Variants in GMPS observed in about 807,000 individuals in gnomAD.
The protein encoded by GMPS is guanosine monophosphate synthase.
GMPS carries 15 observed loss-of-function variants against 77.9 expected under a neutral mutation model. That is an observed-to-expected ratio of 0.19 (90% confidence interval 0.13 to 0.30). The LOEUF (loss-of-function observed/expected upper bound fraction) is 0.30, where lower values mean the gene tolerates loss of function less well. Ranked by LOEUF, GMPS falls within the 10% of genes least tolerant of loss-of-function variation. The pLI is 1.00. For missense variants in GMPS, 590 were observed against 838.8 expected (o/e 0.70, Z 3.66); for synonymous variants, 224 against 275.9 (o/e 0.81, Z 1.86).
intron 7 of GMPS, among the ~76,000 whole-genome samples, chr3:155,913,234 A>G (rs957547326): frequency 5.3e-5 from 8 of 152,234 alleles, no homozygotes; most frequent in African/African-American, 1.7e-4. Flanking sequence ...CTTTTCCACA[A>G]TGAAATAGCC....
Position 155,923,147 on chromosome 3 carries a change from A to G in GMPS, c.1434+845A>G, listed in dbSNP as rs77408941. Among the ~76,000 whole-genome samples the G allele has an allele frequency of 9.2e-5, 14 of 152,306 alleles. No individual in the cohort carries two copies. The East Asian group carries it at 2.5e-3, about 27-fold the overall frequency. The stretch of plus-strand genomic sequence containing the variant: ...TAGAAATAAGCTATTCATAATAAGA[A>G]TAATGTATAAGAGACTACTAAAAAT... On this transcript the variant is annotated intron_variant, in intron 11 of 15. Coordinates refer to ENST00000496455, the MANE Select transcript of GMPS (RefSeq NM_003875.3).
intron 3 of GMPS, 98 bp downstream of exon 3, chr3:155,898,139 CTTAG>C (rs1419468602): frequency 2.4e-5 from 18 of 740,742 alleles, no homozygotes; most frequent in Middle Eastern, 4.9e-4. Context: ...ATTTAGGATA[CTTAG>C]TTGGATGAGA....
At chr3:155,899,902 C>G (rs2108084528) in intron 3 of GMPS, among the ~76,000 whole-genome samples, 1 of 152,230 alleles carries the variant, frequency 6.6e-6, no homozygotes, top group South Asian at 2.1e-4. Context: ...TAAAGTTCTT[C>G]CATGTCTTTT....
chr3:155,875,033 C>T lies in GMPS; in HGVS notation c.27+4136C>T, dbSNP rs140957909. 5.2e-3 allele frequency among the ~76,000 whole-genome samples: 785 copies of T among 150,334 alleles called. 4 individuals carry two copies. Among genetic ancestry groups the T allele is most frequent in the Non-Finnish European group, 7.9e-3 (536 of 67,706 alleles). ...AGTGATCCTTGTGTGATCCTTGTAC[C>T]TCAGCCACCCGAGTAGCTGGGATTA... is the stretch of plus-strand genomic sequence containing the variant. On this transcript the variant is annotated intron_variant, in intron 1 of 15. Coordinates refer to ENST00000496455, the MANE Select transcript of GMPS (RefSeq NM_003875.3).
intron 2 of GMPS, chr3:155,895,648 A>T (rs1560041011): frequency 6.6e-6 from 1 of 152,136 alleles, no homozygotes; most frequent in Non-Finnish European, 1.5e-5. Flanking sequence ...TGATACATAA[A>T]ATTGGTATTT....
chr3:155,880,036 C>T (rs1391851971), intron 1 of GMPS, among the ~76,000 whole-genome samples: 1 of 151,228 alleles, frequency 6.6e-6, no homozygotes, highest in Non-Finnish European at 1.5e-5. Context: ...TCTTTTTACA[C>T]TTTCTTAATG....
chr3:155,929,467 C>T (rs1381935828), intron 12 of GMPS, among the ~76,000 whole-genome samples: 1 of 150,036 alleles, frequency 6.7e-6, no homozygotes, highest in East Asian at 2.0e-4. Context: ...ACAGGGATGC[C>T]CTCTCTCACC....
intron 1 of GMPS, among the ~76,000 whole-genome samples, chr3:155,888,153 C>G (rs577870872): frequency 6.6e-6 from 1 of 151,294 alleles, no homozygotes; most frequent in African/African-American, 2.4e-5. Flanking sequence ...CTCAAGTAAT[C>G]CCCCCTCCTT....
Position 155,943,230 on chromosome 3 carries a change from T to G in GMPS, c.*5538T>G, listed in dbSNP as rs1290685542. ...TAGGTGACAAGAATGAGACTCCGTC[T>G]TAAAACAAAAACAACATATTTGTTC... On this transcript the variant is annotated 3_prime_UTR_variant, in exon 16 of 16. Transcript: ENST00000496455. 5.6e-6 allele frequency: 1 copy of G among 179,228 alleles called. No individual in the cohort carries two copies. The highest frequency in any genetic ancestry group is 1.2e-5 in the Non-Finnish European group (1 of 83,556). 11.1% of individuals were successfully genotyped at this position (179,228 alleles called of 1,614,324 possible).
rs1414023249 is a variant in GMPS, at chr3:155,877,293, AG to A, written c.27+6397del. Among the ~76,000 whole-genome samples, 15 of 152,352 alleles carry A rather than the reference AG, an allele frequency of 9.8e-5. No homozygotes were observed. The East Asian group carries it at 2.9e-3, about 29-fold the overall frequency. On this transcript the variant is annotated intron_variant, in intron 1 of 15. Transcript: ENST00000496455. The stretch of plus-strand genomic sequence containing the variant: ...CTTATTATTTGGCAAGCAAATTAAA[AG>A]AAATTTTAGTCAACATCCATGTCCT...
Position 155,903,907 on chromosome 3 carries a change from C to T in GMPS, c.369C>T (p.Val123=). 1.3e-6 allele frequency: 2 copies of T among 1,561,570 alleles called. No homozygotes were observed. The highest frequency in any genetic ancestry group is 1.2e-5 in the South Asian group (1 of 84,772). ...VFGGTVHKKS[V]REDGVFNISV... Reference sequence around the variant, plus strand: ...GAGGTACTGTGCACAAAAAAAGTGTCAGAGAAGATGGAGTTTTCAACATTA... The same window carrying T: ...GAGGTACTGTGCACAAAAAAAGTGTTAGAGAAGATGGAGTTTTCAACATTA... Residue 123 remains valine (V), a synonymous_variant, in exon 4 of 16, where the codon GTC becomes GTT. Transcript: ENST00000496455.
chr3:155,886,304 G>A (rs114934108), intron 1 of GMPS, among the ~76,000 whole-genome samples: 164 of 149,642 alleles, frequency 1.1e-3, no homozygotes, highest in Non-Finnish European at 2.2e-3. Flanking sequence ...GGCTGAGTGC[G>A]GTAGCTCACA....
chr3:155,926,881 G>T (rs1338234232), intron 12 of GMPS, among the ~76,000 whole-genome samples: 1 of 152,150 alleles, frequency 6.6e-6, no homozygotes, highest in Non-Finnish European at 1.5e-5. Flanking sequence ...GGGTGTGGTG[G>T]TGCATGCCTG....
chr3:155,917,933 T>C (rs1320740514), intron 9 of GMPS, among the ~76,000 whole-genome samples: 1 of 152,106 alleles, frequency 6.6e-6, no homozygotes, highest in African/African-American at 2.4e-5. Context: ...ATATAACACA[T>C]TTTGCCTATC....
At chr3:155,916,336 C>A in intron 9 of GMPS, 144 bp downstream of exon 9, 1 of 612,972 alleles carries the variant, frequency 1.6e-6, no homozygotes, top group Non-Finnish European at 2.8e-6. Flanking sequence ...AAAAAGGAAC[C>A]TTATACCCAT....
chr3:155,928,178 C>T (rs1007449194), intron 12 of GMPS, among the ~76,000 whole-genome samples: 28 of 151,864 alleles, frequency 1.8e-4, no homozygotes, highest in African/African-American at 5.8e-4. Context: ...AGGCACACGC[C>T]GCCATACCTG....
intron 12 of GMPS, among the ~76,000 whole-genome samples, chr3:155,926,982 C>T (rs1755473707): frequency 6.6e-6 from 1 of 151,512 alleles, no homozygotes; most frequent in African/African-American, 2.4e-5. Flanking sequence ...CCATTGCACT[C>T]CAGCCTGGGC....
chr3:155,872,819 AC>A (rs1753936178), intron 1 of GMPS, among the ~76,000 whole-genome samples: 2 of 152,334 alleles, frequency 1.3e-5, no homozygotes, highest in African/African-American at 4.8e-5. Context: ...TTCAAGAGGA[AC>A]ATCTGGAGAA....
intron 1 of GMPS, among the ~76,000 whole-genome samples, chr3:155,881,164 G>GTTTTTTTTTTTTTT (rs11334499): frequency 3.8e-5 from 2 of 52,926 alleles, no homozygotes; most frequent in African/African-American, 1.5e-4. Context: ...TTTGATATTA[G>GTTTTTTTTTTTTTT]TTTTTTTTTT....
Sources: gnomAD v4.1 joint callset for allele counts (sites outside exome capture counted in the v4.1 genomes callset) on GRCh38, gnomAD v4.1.1 for gene constraint, MANE v1.5 for transcripts, NCBI Gene and HGNC (gene_info 2026-07-23, HGNC 2026-07-21) for gene names.